The following RIF1 variants were observed in gnomAD, a reference collection of about 807,000 sequenced individuals.
The protein encoded by RIF1 is telomere-associated protein RIF1.
A neutral mutation model predicts 247.1 loss-of-function variants in RIF1; 45 were observed. The observed-to-expected ratio is 0.18, with a 90% CI of 0.14 to 0.23. RIF1 has a LOEUF of 0.23. Ranked by LOEUF, RIF1 falls within the 10% of genes least tolerant of loss-of-function variation. The pLI is 1.00. For synonymous variants in RIF1, 1,087 were observed against 978.8 expected (o/e 1.11, Z -2.06); for missense variants, 2,967 against 2,862.5 (o/e 1.04, Z -0.83).
At chr2:151,502,846 G>A (rs756281965) in intron 11 of RIF1, 1 of 1,606,712 alleles carries the variant, frequency 6.2e-7, no homozygotes, top group South Asian at 1.1e-5. Context: ...GGAGTGATAG[G>A]TGTTGGGATT....
rs1184690517 is a variant in RIF1 at position 151,502,904 on chromosome 2, T to A, written c.*710-130T>A. 3 of 1,440,824 alleles carry A rather than the reference T, an allele frequency of 2.1e-6. No homozygotes were observed. Among genetic ancestry groups the A allele is most frequent in the South Asian group, 2.4e-5 (2 of 82,586 alleles). The allele number at this position is 1,440,824 out of a possible 1,614,324, so 89.3% of individuals were successfully genotyped here. ...ACAAAACCTGTGAGATACAAGAAAG[T>A]ACCCAGAGGACATTTAAAACAGGCA... On this transcript the variant is annotated intron_variant and NMD_transcript_variant, in intron 11 of 13. Transcript: ENST00000454583.
chr2:151,524,757 C>T, the RIF1 span: 4 of 713,288 alleles, frequency 5.6e-6, no homozygotes, highest in Non-Finnish European at 6.8e-6. Flanking sequence ...ACTTCTGTCT[C>T]CCGGATTCAA....
chr2:151,496,407 T>TAAC (rs935472696), intron 10 of RIF1: 26 of 1,568,814 alleles, frequency 1.7e-5, no homozygotes, highest in Non-Finnish European at 2.1e-5. Flanking sequence ...CAACCATGAG[T>TAAC]AACATTTCAT....
chr2:151,499,847 A>G (rs9287979), intron 11 of RIF1, among the ~76,000 whole-genome samples: 90,155 of 152,016 alleles, frequency 0.59, 27,141 homozygotes, highest in Admixed American at 0.7. Context: ...GAGATGGTCA[A>G]GTATAGAGGT....
chr2:151,416,593 A>T lies in RIF1; in HGVS notation c.313A>T (p.Asn105Tyr). Residue 105 changes from asparagine to tyrosine, a missense_variant, in exon 5 of 36, where the codon AAT becomes TAT. Transcript: ENST00000444746. ...TGCTCTAGAATTGCTTTCAAAATTG[A>T]ATGATACCATTAAGAATTCAGACAA... is the stretch of plus-strand genomic sequence containing the variant. ...ANALELLSKL[N>Y]DTIKNSDKNV... 1 of 1,605,352 alleles carries T rather than the reference A, an allele frequency of 6.2e-7. No homozygotes were observed. The highest frequency in any genetic ancestry group is 8.5e-7 in the Non-Finnish European group (1 of 1,177,674).
intron 8 of RIF1, among the ~76,000 whole-genome samples, chr2:151,424,884 GC>G (rs1688771191): frequency 9.2e-6 from 1 of 108,416 alleles, no homozygotes; most frequent in Admixed American, 1.4e-4. Context: ...ACTGGGTTTT[GC>G]CGTGCTGCTC....
intron 30 of RIF1, among the ~76,000 whole-genome samples, chr2:151,466,684 C>T (rs1048527981): frequency 3.9e-5 from 6 of 152,182 alleles, no homozygotes; most frequent in Non-Finnish European, 5.9e-5. Context: ...GCTTTAGCTT[C>T]AGGCCTTGTG....
intron 12 of RIF1, chr2:151,503,279 T>TA: frequency 1.7e-6 from 2 of 1,184,348 alleles, no homozygotes; most frequent in Non-Finnish European, 2.5e-6. Context: ...TTACTTTCTT[T>TA]AAAAAAGATG....
chr2:151,458,941 T>C lies in RIF1; in HGVS notation c.2955+31T>C, dbSNP rs145340377. 9.0e-5 allele frequency: 119 copies of C among 1,318,634 alleles called. No homozygotes were observed. The African/African-American group carries it at 1.6e-3, about 18-fold the overall frequency. 81.7% of individuals were successfully genotyped at this position (1,318,634 alleles called of 1,614,324 possible). Reference sequence around the variant, plus strand: ...TTGGGGGGTTTTATTGTTCATTTGTTTTTGGACATTTAAGTTATTTGTTGA... The same window carrying C: ...TTGGGGGGTTTTATTGTTCATTTGTCTTTGGACATTTAAGTTATTTGTTGA... On this transcript the variant is annotated intron_variant, in intron 25 of 35. Transcript: ENST00000444746.
At chr2:151,446,945 CTTT>C (rs71403169) in intron 20 of RIF1, among the ~76,000 whole-genome samples, 31,108 of 137,486 alleles carry the variant, frequency 0.23, 3,783 homozygotes, top group Admixed American at 0.36. Context: ...TTTTCTCTTT[CTTT>C]TTTTTTTTTT....
intron 3 of RIF1, among the ~76,000 whole-genome samples, chr2:151,411,762 G>A (rs139083221): frequency 7.0e-4 from 106 of 152,140 alleles, no homozygotes; most frequent in Non-Finnish European, 5.9e-5. Context: ...TAAAATAACA[G>A]CAATAATACT....
At chr2:151,496,215 T>TTA (rs2060073388) in intron 10 of RIF1, 1 of 1,445,900 alleles carries the variant, frequency 6.9e-7, no homozygotes, top group Non-Finnish European at 9.5e-7. Flanking sequence ...ATGTATTATT[T>TTA]TAAATCATAA....
In RIF1 at chr2:151,502,328, G is replaced by A. The variant is rs151032458; in HGVS notation, c.*710-706G>A. On this transcript the variant is annotated intron_variant and NMD_transcript_variant, in intron 11 of 13. Transcript: ENST00000454583. The stretch of plus-strand genomic sequence containing the variant: ...TCACAAGTCACCACTAAAGAACTTA[G>A]TAACCAAATACCACCTGTACCTCCC... Among the ~76,000 whole-genome samples, 5 of 151,266 alleles carry A rather than the reference G, an allele frequency of 3.3e-5. No individual in the cohort carries two copies. The East Asian group carries it at 9.7e-4, about 29-fold the overall frequency.
chr2:151,506,144 A>G, intron 12 of RIF1: 1 of 1,565,070 alleles, frequency 6.4e-7, no homozygotes, highest in South Asian at 1.1e-5. Flanking sequence ...AAATATTGCA[A>G]GTGCATTCAC....
the RIF1 span, among the ~76,000 whole-genome samples, chr2:151,516,103 TAAGAG>T: frequency 6.6e-6 from 1 of 152,222 alleles, no homozygotes; most frequent in South Asian, 2.1e-4. Context: ...GGCATTCTAC[TAAGAG>T]TAGAGCATTT....
chr2:151,433,535 A>C (rs1010393600), intron 10 of RIF1, among the ~76,000 whole-genome samples: 1 of 151,898 alleles, frequency 6.6e-6, no homozygotes, highest in African/African-American at 2.4e-5. Flanking sequence ...GCTCACTGCA[A>C]CCTCCACCTC....
chr2:151,479,955 G>A lies in RIF1; in HGVS notation c.*4884G>A, dbSNP rs2049099401. 6.6e-6 allele frequency: 1 copy of A among 152,108 alleles called. No individual in the cohort carries two copies. Among genetic ancestry groups the A allele is most frequent in the African/African-American group, 2.4e-5 (1 of 41,438 alleles). The allele number at this position is 152,108 out of a possible 1,614,324, so 9.4% of individuals were successfully genotyped here. ...TACATATTGCTCTTTGCAAGTAGCC[G>A]TTAAAGTGTAAGTCATTGAAGTTTG... On this transcript the variant is annotated 3_prime_UTR_variant, in exon 36 of 36. Transcript: ENST00000444746.
intron 15 of RIF1, 83 bp downstream of exon 15, chr2:151,440,210 G>A: frequency 2.5e-6 from 2 of 787,822 alleles, no homozygotes; most frequent in South Asian, 3.2e-5. Flanking sequence ...CACAAATCTA[G>A]TTTGGGAAGA....
chr2:151,506,326 A>T, exon 13 of RIF1: 1 of 1,172,192 alleles, frequency 8.5e-7, no homozygotes. Flanking sequence ...CTGGAGAAAG[A>T]CTAGGACACA....
Sources: gnomAD v4.1 joint callset for allele counts (sites outside exome capture counted in the v4.1 genomes callset) on GRCh38, gnomAD v4.1.1 for gene constraint, MANE v1.5 for transcripts, NCBI Gene and HGNC (gene_info 2026-07-23, HGNC 2026-07-21) for gene names.